Variants in QTGAL observed in about 807,000 individuals in gnomAD.
The protein encoded by QTGAL is queuosine-tRNA galactosyltransferase.
At chr17:83,012,855 G>A in the QTGAL span, among the ~76,000 whole-genome samples, 13 of 151,434 alleles carry the variant, frequency 8.6e-5, no homozygotes. Context: ...GTTTCCACAT[G>A]ACTGAAACCC....
the QTGAL span, among the ~76,000 whole-genome samples, chr17:83,031,455 G>A: frequency 1.6e-4 from 24 of 152,002 alleles, no homozygotes; most frequent in Non-Finnish European, 4.4e-5. Flanking sequence ...CAGCGGGGAA[G>A]GGTGTAAACT....
At chr17:83,012,034 C>T in the QTGAL span, among the ~76,000 whole-genome samples, 38 of 60,932 alleles carry the variant, frequency 6.2e-4, no homozygotes, top group African/African-American at 9.8e-4. Context: ...ACACACGCCA[C>T]GAACTCCTCG....
chr17:83,036,807 G>A, the QTGAL span, among the ~76,000 whole-genome samples: 1 of 152,116 alleles, frequency 6.6e-6, no homozygotes, highest in Non-Finnish European at 1.5e-5. Flanking sequence ...GCAGGCACTG[G>A]GCAGCTTTGT....
chr17:83,006,042 C>T, the QTGAL span: 1 of 1,021,192 alleles, frequency 9.8e-7, no homozygotes, highest in African/African-American at 1.7e-5. The surrounding 1 kb of genome is among the most constrained non-coding windows in gnomAD (Gnocchi z 5.8). Context: ...GAAACAGCAC[C>T]CACCCCAAGT....
the QTGAL span, among the ~76,000 whole-genome samples, chr17:82,961,611 G>C: frequency 6.6e-6 from 1 of 152,228 alleles, no homozygotes; most frequent in South Asian, 2.1e-4. Flanking sequence ...TGCCGACTGT[G>C]GGCAGAGGAC....
chr17:83,010,488 G>A, the QTGAL span, among the ~76,000 whole-genome samples: 30 of 152,226 alleles, frequency 2.0e-4, no homozygotes, highest in Non-Finnish European at 4.0e-4. Flanking sequence ...AGTCTGGCAT[G>A]TTCTGCCCCT....
At chr17:82,970,606 CGCG>C in the QTGAL span, among the ~76,000 whole-genome samples, 3 of 134,126 alleles carry the variant, frequency 2.2e-5, no homozygotes, top group East Asian at 2.1e-4. Context: ...CCGGCGTGGC[CGCG>C]ACCTCCCCAC....
the QTGAL span, among the ~76,000 whole-genome samples, chr17:82,959,297 T>C: frequency 6.6e-6 from 1 of 151,860 alleles, no homozygotes; most frequent in African/African-American, 2.4e-5. Context: ...TATGAGTACA[T>C]GTATGCAGTG....
the QTGAL span, among the ~76,000 whole-genome samples, chr17:82,956,261 A>G: frequency 0.042 from 6,377 of 152,064 alleles, 496 homozygotes; most frequent in African/African-American, 0.14. The surrounding 1 kb of genome is among the most constrained non-coding windows in gnomAD (Gnocchi z 5.7). Context: ...GGCACCCATC[A>G]CCTGCCCACC....
At chr17:83,035,039 T>C in the QTGAL span, 1 of 1,605,832 alleles carries the variant, frequency 6.2e-7, no homozygotes, top group East Asian at 2.2e-5. Context: ...ACTTACCGAA[T>C]CCAAAAAGCA....
the QTGAL span, chr17:82,956,774 G>T: frequency 6.3e-7 from 1 of 1,575,344 alleles, no homozygotes; most frequent in East Asian, 2.4e-5. This position sits in a 1 kb window ranked among gnomAD's most constrained non-coding sequence, Gnocchi z 5.7. Flanking sequence ...TCTTTCCTGA[G>T]AGTGACAGTG....
the QTGAL span, chr17:82,949,203 T>C: frequency 1.3e-5 from 2 of 152,148 alleles, no homozygotes; most frequent in Non-Finnish European, 2.9e-5. Context: ...CAGACTGGGA[T>C]TGAATGTGTG....
the QTGAL span, among the ~76,000 whole-genome samples, chr17:82,957,837 AT>A: frequency 6.6e-6 from 1 of 152,148 alleles, no homozygotes; most frequent in Admixed American, 6.5e-5. Context: ...ACCTTTGTCC[AT>A]AAGGACACAT....
the QTGAL span, chr17:82,948,734 G>A: frequency 1.3e-5 from 2 of 152,230 alleles, no homozygotes; most frequent in African/African-American, 4.8e-5. Flanking sequence ...TTCGTTCCTG[G>A]AAAAGCAGTG....
the QTGAL span, among the ~76,000 whole-genome samples, chr17:83,036,744 C>T: frequency 6.6e-6 from 1 of 152,046 alleles, no homozygotes; most frequent in Non-Finnish European, 1.5e-5. Flanking sequence ...GCCCTGTGGG[C>T]GGTGGGCAGT....
the QTGAL span, among the ~76,000 whole-genome samples, chr17:82,996,344 G>A: frequency 0.011 from 1,713 of 152,146 alleles, 37 homozygotes; most frequent in African/African-American, 0.039. Context: ...CCAATATGGT[G>A]AAACCCCCTC....
chr17:83,009,274 A>T, the QTGAL span, among the ~76,000 whole-genome samples: 1 of 152,034 alleles, frequency 6.6e-6, no homozygotes, highest in Non-Finnish European at 1.5e-5. Context: ...ATACAAAAAA[A>T]TTAGCCGGGC....
chr17:83,014,887 T>C, the QTGAL span, among the ~76,000 whole-genome samples: 2 of 152,278 alleles, frequency 1.3e-5, no homozygotes, highest in Non-Finnish European at 2.9e-5. Flanking sequence ...CAATTAGTTA[T>C]GCAGCGGAGA....
the QTGAL span, among the ~76,000 whole-genome samples, chr17:83,046,154 GA>G: frequency 2.8e-4 from 43 of 150,960 alleles, no homozygotes; most frequent in Non-Finnish European, 5.2e-4. Flanking sequence ...TTTTGAGATG[GA>G]GTCTCACTCT....
Sources: allele counts gnomAD v4.1 joint callset (sites outside exome capture counted in the v4.1 genomes callset), GRCh38; gene constraint gnomAD v4.1.1; non-coding constraint Gnocchi (gnomAD v3.1); transcripts MANE v1.5; gene names NCBI Gene and HGNC (gene_info 2026-07-23, HGNC 2026-07-21).